The following WDR75 variants were observed in gnomAD, a reference collection of about 807,000 sequenced individuals.
WDR75 encodes the protein WD repeat-containing protein 75.
Under a neutral mutation model 106.1 loss-of-function variants are expected in WDR75, and 52 were observed. The ratio of observed to expected loss-of-function variants is 0.49; its 90% CI spans 0.39 to 0.62. The LOEUF is 0.62. Among genes scored for constraint, WDR75 ranks in the 20% least tolerant of loss-of-function variants. The pLI is 0.00. For missense variants in WDR75, 905 were observed against 970.3 expected (o/e 0.93, Z 0.89); for synonymous variants, 333 against 335.5 (o/e 0.99, Z 0.08).
rs1207962325 is a variant in WDR75 at position 189,470,844 on chromosome 2, C to G, written c.2015C>G (p.Ser672Cys). 6.3e-7 allele frequency: 1 copy of G among 1,595,538 alleles called. No homozygotes were observed. Among genetic ancestry groups the G allele is most frequent in the Middle Eastern group, 1.7e-4 (1 of 5,994 alleles). The stretch of plus-strand genomic sequence containing the variant: ...AGTTTATTGACATTCAGTACAAAGT[C>G]TCCAGAAGAAAAACTCACACCAACA... ...SQSLLTFSTK[S>C]PEEKLTPTSK... The change falls in exon 18 of 21, where the codon TCT becomes TGT. Residue 672 changes from serine to cysteine, a missense_variant. By Grantham distance (112) the Ser-to-Cys change is moderately radical (BLOSUM62 -1). Transcript: ENST00000314761.
intron 4 of WDR75, among the ~76,000 whole-genome samples, chr2:189,454,773 T>G (rs973633660): frequency 6.6e-5 from 10 of 152,146 alleles, no homozygotes; most frequent in African/African-American, 2.4e-4. Flanking sequence ...TCCACCCGCC[T>G]CGGCCTCCCA....
At position 189,465,063 on chromosome 2, in the gene WDR75, T is replaced by G. The variant is rs755099692; in HGVS notation, c.1114-16T>G. 1 of 1,541,218 alleles carries G rather than the reference T, an allele frequency of 6.5e-7. No homozygotes were observed. Among genetic ancestry groups the G allele is most frequent in the Non-Finnish European group, 8.8e-7 (1 of 1,141,936 alleles). ...TTAATAAACATTTTGGTTTTTTGGT[T>G]TTTTTTACTCATCAGTTAGATATTA... On this transcript the variant is annotated splice_polypyrimidine_tract_variant and intron_variant, in intron 11 of 20. Transcript: ENST00000314761.
In WDR75 at chr2:189,458,811, G is replaced by A; in HGVS notation, c.628G>A (p.Ala210Thr). The change falls in exon 7 of 21, where the codon GCA becomes ACA. Residue 210 changes from alanine to threonine, a missense_variant. Physicochemically the swap from Ala to Thr is moderately conservative, Grantham distance 58 (BLOSUM62 0). Coordinates refer to ENST00000314761, the MANE Select transcript of WDR75 (RefSeq NM_032168.3). ...TGCTAAAAACAATTTTACATGTGTA[G>A]CATGTCACCCAACGGAAGACTGCAT... is the stretch of plus-strand genomic sequence containing the variant. ...KHAKNNFTCV[A>T]CHPTEDCIAS... is the part of the protein sequence containing the mutation. The A allele has an allele frequency of 6.2e-7, 1 of 1,609,208 alleles. No homozygotes were observed.
intron 12 of WDR75, 80 bp from the exon 13 acceptor site, chr2:189,466,345 A>C (rs2105569658): frequency 6.8e-7 from 1 of 1,481,296 alleles, no homozygotes; most frequent in East Asian, 2.3e-5. Flanking sequence ...GCTATTGTAA[A>C]ATGTACAGCA....
chr2:189,473,688 C>T (rs1384736162), intron 18 of WDR75, among the ~76,000 whole-genome samples: 1 of 152,112 alleles, frequency 6.6e-6, no homozygotes, highest in Non-Finnish European at 1.5e-5. Flanking sequence ...CCATTTTCAC[C>T]CCACATCCAG....
At chr2:189,450,577 A>G (rs112569570) in intron 2 of WDR75, 2 of 1,102,274 alleles carry the variant, frequency 1.8e-6, no homozygotes, top group Non-Finnish European at 1.1e-6. Flanking sequence ...TGGGCCTCCC[A>G]AAGTGCTGAG....
chr2:189,468,397 C>T, intron 14 of WDR75, 78 bp from the exon 15 acceptor site: 3 of 1,317,766 alleles, frequency 2.3e-6, no homozygotes, highest in Non-Finnish European at 3.3e-6. Context: ...CATAGAACAG[C>T]CGCTGGAAGC....
chr2:189,462,951 T>G (rs1686928722), intron 9 of WDR75, among the ~76,000 whole-genome samples: 1 of 152,196 alleles, frequency 6.6e-6, no homozygotes, highest in South Asian at 2.1e-4. Context: ...GGTTTGGAAG[T>G]GGACATTGGT....
chr2:189,465,369 A>T (rs777977350), intron 12 of WDR75, 115 bp downstream of exon 12: 39 of 1,140,130 alleles, frequency 3.4e-5, no homozygotes, highest in Admixed American at 5.8e-5. Flanking sequence ...ATTTAGAGAT[A>T]TGGGAGAGGT....
intron 5 of WDR75, among the ~76,000 whole-genome samples, chr2:189,456,134 C>T (rs1251028973): frequency 6.6e-6 from 1 of 152,182 alleles, no homozygotes; most frequent in Admixed American, 6.5e-5. Context: ...TCAGAGTAAA[C>T]TTCTTTAACA....
At chr2:189,474,380 C>G in intron 19 of WDR75, 48 bp downstream of exon 19, 1 of 1,562,916 alleles carries the variant, frequency 6.4e-7, no homozygotes, top group Non-Finnish European at 8.6e-7. Context: ...GCACTTAAAG[C>G]ACCTGAAGTT....
Position 189,448,525 on chromosome 2 carries a change from A to T in WDR75, c.216+17A>T, listed in dbSNP as rs764528441. On this transcript the variant is annotated intron_variant, in intron 2 of 20. Coordinates refer to ENST00000314761, the MANE Select transcript of WDR75 (RefSeq NM_032168.3). Reference sequence around the variant, plus strand: ...CATCTACAGGTGTCAAACAGTTTATAGCTGAATACTTTAAGACTGGCTTTG... The same window carrying T: ...CATCTACAGGTGTCAAACAGTTTATTGCTGAATACTTTAAGACTGGCTTTG... 1.2e-6 allele frequency: 2 copies of T among 1,610,340 alleles called. No homozygotes were observed. Among genetic ancestry groups the T allele is most frequent in the South Asian group, 2.2e-5 (2 of 89,914 alleles).
chr2:189,451,135 T>C (rs547299676), intron 3 of WDR75, among the ~76,000 whole-genome samples, 167 bp downstream of exon 3: 8 of 152,240 alleles, frequency 5.3e-5, no homozygotes, highest in East Asian at 1.9e-4. Flanking sequence ...TTTCCACTTA[T>C]AAAAGACAAG....
intron 11 of WDR75, chr2:189,464,175 C>T (rs1027283156): frequency 1.5e-5 from 8 of 533,922 alleles, no homozygotes; most frequent in African/African-American, 9.6e-5. Flanking sequence ...CACTCCTGTA[C>T]GTGCTGTCTC....
chr2:189,450,663 A>G, intron 2 of WDR75: 1 of 1,321,460 alleles, frequency 7.6e-7, no homozygotes, highest in Non-Finnish European at 9.6e-7. Context: ...TCTTCAAGAC[A>G]GAAAGTTGGC....
chr2:189,450,632 T>C, intron 2 of WDR75: 1 of 1,244,268 alleles, frequency 8.0e-7, no homozygotes, highest in Non-Finnish European at 1.0e-6. Context: ...TCATATCTCA[T>C]TCAAAACCTT....
At chr2:189,459,504 A>C in intron 8 of WDR75, 80 bp downstream of exon 8, 1 of 1,380,568 alleles carries the variant, frequency 7.2e-7, no homozygotes, top group Non-Finnish European at 1.0e-6. Context: ...TTTAGTTTGG[A>C]AGATTTAAAA....
chr2:189,455,632 T>C, intron 5 of WDR75, 188 bp downstream of exon 5: 1 of 638,100 alleles, frequency 1.6e-6, no homozygotes, highest in Non-Finnish European at 2.5e-6. Context: ...ACTATCCTTA[T>C]TTTTGTGTGT....
intron 1 of WDR75, 102 bp downstream of exon 1, chr2:189,441,680 C>A (rs1274211378): frequency 1.5e-6 from 2 of 1,345,660 alleles, no homozygotes; most frequent in Non-Finnish European, 1.0e-6. Context: ...GCCCGCCTGG[C>A]GGATATCGGC....
Sources: allele counts gnomAD v4.1 joint callset (sites outside exome capture counted in the v4.1 genomes callset), GRCh38; gene constraint gnomAD v4.1.1; transcripts MANE v1.5; gene names NCBI Gene and HGNC (gene_info 2026-07-23, HGNC 2026-07-21).